The following SYNE1 variants were observed in gnomAD, a reference collection of about 807,000 sequenced individuals.
SYNE1 encodes nesprin-1.
In SYNE1, 616 loss-of-function variants were observed where a neutral mutation model predicts 1,111.0. That is an observed-to-expected ratio of 0.55 (90% CI 0.52 to 0.59). The LOEUF is 0.59. SYNE1 is among the 20% of genes least tolerant of loss of function. The pLI is 0.00. For synonymous variants in SYNE1, 3,855 were observed against 3,825.8 expected (o/e 1.01, Z -0.28); for missense variants, 10,006 against 10,417.0 (o/e 0.96, Z 1.72).
At chr6:152,128,074 C>T (rs1383768180) in intron 145 of SYNE1, 1 of 152,142 alleles carries the variant, frequency 6.6e-6, no homozygotes, top group Non-Finnish European at 1.5e-5. Flanking sequence ...ATTCCTTTGC[C>T]TTGCTGGAAA....
At chr6:152,509,405 C>T (rs4870108) in intron 8 of SYNE1, among the ~76,000 whole-genome samples, 9,980 of 151,600 alleles carry the variant, frequency 0.066, 483 homozygotes, top group Admixed American at 0.13. Flanking sequence ...TACAGGCACG[C>T]GCCACCACGC....
rs759426499 is a variant in SYNE1, at chr6:152,148,283, G to C, written c.24738C>G (p.Asp8246Glu). The change falls in exon 137 of 146, where the codon GAC becomes GAG. Residue 8246 changes from aspartate (D) to glutamate (E), a missense_variant. Physicochemically the swap from Asp to Glu is conservative, Grantham distance 45 (BLOSUM62 2). Coordinates refer to ENST00000367255, the MANE Select transcript of SYNE1 (RefSeq NM_182961.4). The surrounding 1 kb of genome is among the most constrained non-coding windows in gnomAD (Gnocchi z 4.1). ...AGGAAGGCTGTGGAGAAAGCAGGCTGTCTGCAGAGCGGTCGTGCCAGTGCA... is the reference window on the plus strand; with the variant it reads ...AGGAAGGCTGTGGAGAAAGCAGGCTCTCTGCAGAGCGGTCGTGCCAGTGCA... ...SDLHWHDRSA[D>E]SLLSPQPSSN... The C allele has an allele frequency of 1.9e-6, 3 of 1,613,694 alleles. No homozygotes were observed. Among genetic ancestry groups the C allele is most frequent in the South Asian group, 2.2e-5 (2 of 91,042 alleles).
intron 130 of SYNE1, chr6:152,168,218 G>C (rs765811883): frequency 2.6e-6 from 2 of 756,798 alleles, no homozygotes; most frequent in South Asian, 1.4e-5. Flanking sequence ...GCTTCCACTT[G>C]CAAAAGTTAG....
At chr6:152,615,782 TACTC>T (rs748131661) in intron 3 of SYNE1, among the ~76,000 whole-genome samples, 25 of 152,364 alleles carry the variant, frequency 1.6e-4, no homozygotes, top group Admixed American at 9.1e-4. Context: ...ATCTGACTCT[TACTC>T]AAGAGTTTGG....
chr6:152,188,740 C>T (rs899784950), intron 128 of SYNE1, among the ~76,000 whole-genome samples: 3 of 151,586 alleles, frequency 2.0e-5, no homozygotes, highest in Non-Finnish European at 4.4e-5. Context: ...GGACAAATCA[C>T]AAGGTCAGGA....
At chr6:152,540,640 A>T (rs1261982084) in intron 3 of SYNE1, among the ~76,000 whole-genome samples, 1 of 152,242 alleles carries the variant, frequency 6.6e-6, no homozygotes, top group East Asian at 1.9e-4. Context: ...ATAGGATATG[A>T]CAAAGGTGAT....
intron 3 of SYNE1, among the ~76,000 whole-genome samples, chr6:152,609,195 T>G (rs571086062): frequency 1.3e-5 from 2 of 151,712 alleles, no homozygotes; most frequent in East Asian, 3.9e-4. Context: ...GTGCAAGGGG[T>G]TGGGGGATTT....
chr6:152,231,335 G>T (rs1377145711), intron 114 of SYNE1, 56 bp downstream of exon 114: 12 of 1,588,028 alleles, frequency 7.6e-6, no homozygotes. Flanking sequence ...CTTACAGAGT[G>T]TGCCTGTTCT....
chr6:152,351,862 C>A (rs2096746821), intron 70 of SYNE1, among the ~76,000 whole-genome samples, 165 bp downstream of exon 70: 1 of 152,086 alleles, frequency 6.6e-6, no homozygotes, highest in Non-Finnish European at 1.5e-5. Flanking sequence ...TGGATTTAAC[C>A]CAATAAATCT....
At chr6:152,571,063 T>TACACAG (rs2099452593) in intron 3 of SYNE1, among the ~76,000 whole-genome samples, 1 of 151,960 alleles carries the variant, frequency 6.6e-6, no homozygotes, top group African/African-American at 2.4e-5. Flanking sequence ...TACTCTGGTC[T>TACACAG]TTTTTGACCT....
At chr6:152,293,467 A>G in intron 95 of SYNE1, 121 bp downstream of exon 95, 1 of 1,020,152 alleles carries the variant, frequency 9.8e-7, no homozygotes, top group Non-Finnish European at 1.5e-6. Flanking sequence ...GGAAGAACTG[A>G]TAAGGTTAAA....
At chr6:152,125,185 C>A (rs2813562) in intron 145 of SYNE1, 1 of 1,483,038 alleles carries the variant, frequency 6.7e-7, no homozygotes, top group South Asian at 1.4e-5. Context: ...CCCTGCCCAC[C>A]GCACTCTCTG....
At position 152,330,816 on chromosome 6, in the gene SYNE1, C is replaced by T. The variant is rs367812508; in HGVS notation, c.13869G>A (p.Gln4623=). 3.1e-6 allele frequency: 5 copies of T among 1,613,854 alleles called. No individual in the cohort carries two copies. The African/African-American group carries it at 6.7e-5, about 22-fold the overall frequency. Residue 4623 remains glutamine (Q), a synonymous_variant, in exon 78 of 146, where the codon CAG becomes CAA. Transcript: ENST00000367255. The stretch of plus-strand genomic sequence containing the variant: ...ATGGTAATATGGTCTGCCCAGTTCT[C>T]TGCAGCGTAAGTAGAAGATTTTCAT... ...PEYENLLLTL[Q]RTGQTILPSL...
chr6:152,265,773 A>T (rs1370370260), intron 100 of SYNE1, among the ~76,000 whole-genome samples: 1 of 152,090 alleles, frequency 6.6e-6, no homozygotes, highest in African/African-American at 2.4e-5. Flanking sequence ...CTTGGAAGGC[A>T]CCCTCCATCA....
At chr6:152,179,844 C>T (rs1327517190) in intron 129 of SYNE1, among the ~76,000 whole-genome samples, 1 of 151,802 alleles carries the variant, frequency 6.6e-6, no homozygotes, top group African/African-American at 2.4e-5. Flanking sequence ...ACCACCACGC[C>T]AGGCTAATGT....
At chr6:152,246,732 T>G (rs553771569) in intron 105 of SYNE1, among the ~76,000 whole-genome samples, 1 of 152,266 alleles carries the variant, frequency 6.6e-6, no homozygotes, top group Admixed American at 6.5e-5. Context: ...CCCAGCCCAG[T>G]GGATAAAAAT....
chr6:152,430,743 G>T lies in SYNE1; in HGVS notation c.4462-34C>A, dbSNP rs763116518. 25 of 1,583,462 alleles carry T rather than the reference G, an allele frequency of 1.6e-5. No individual in the cohort carries two copies. In the South Asian group the frequency reaches 2.8e-4, roughly 18 times the overall value. On this transcript the variant is annotated intron_variant, in intron 34 of 145. Coordinates refer to ENST00000367255, the MANE Select transcript of SYNE1 (RefSeq NM_182961.4). ...TAAAACAAGAAAAATGACAATGTAG[G>T]CTGAGCAAGCTTGCCTTCCTGAAAT... is the stretch of plus-strand genomic sequence containing the variant.
In SYNE1 at chr6:152,230,662, T is replaced by C; in HGVS notation, c.21080A>G (p.Tyr7027Cys). 8 of 1,614,080 alleles carry C rather than the reference T, an allele frequency of 5.0e-6. No individual in the cohort carries two copies. The highest frequency in any genetic ancestry group is 5.9e-6 in the Non-Finnish European group (7 of 1,179,972). ...TTTCAGACATTGTACATTATTTTCA[T>C]ATTCTGACCAAGATTCCAATAAGCC... ...LEGLLESWSE[Y>C]ENNVQCLKTW... The change falls in exon 115 of 146, where the codon TAT becomes TGT. Residue 7027 changes from tyrosine to cysteine, a missense_variant. By Grantham distance (194) the Tyr-to-Cys change is radical (BLOSUM62 -2). This residue lies in a region of SYNE1 where 2,182 missense variants were observed against 2,287.8 expected (regional missense o/e 0.95). Transcript: ENST00000367255.
chr6:152,535,752 T>C (rs1438760049), intron 4 of SYNE1, among the ~76,000 whole-genome samples: 2 of 152,300 alleles, frequency 1.3e-5, no homozygotes, highest in Non-Finnish European at 2.9e-5. Flanking sequence ...CATCTAACTT[T>C]TTACAAAGGG....
Sources: gnomAD v4.1 joint callset for allele counts (sites outside exome capture counted in the v4.1 genomes callset) on GRCh38, gnomAD v4.1.1 for gene constraint, gnomAD v4.1.1 regional missense constraint, Gnocchi (gnomAD v3.1) non-coding constraint, MANE v1.5 for transcripts, NCBI Gene and HGNC (gene_info 2026-07-23, HGNC 2026-07-21) for gene names.